Variants in NMNAT2 observed in about 807,000 individuals in gnomAD.
NMNAT2 encodes nicotinamide/nicotinic acid mononucleotide adenylyltransferase 2.
NMNAT2 carries 11 observed loss-of-function variants against 41.6 expected under a neutral mutation model. The observed-to-expected ratio is 0.26, with a 90% confidence interval of 0.17 to 0.44. NMNAT2 has a LOEUF of 0.44. NMNAT2 is among the 20% of genes least tolerant of loss of function. The pLI is 1.00. For synonymous variants in NMNAT2, 148 were observed against 151.2 expected, an observed-to-expected ratio of 0.98 and a Z score of 0.16; for missense variants, 288 against 407.7, an observed-to-expected ratio of 0.71 and a Z score of 2.53.
Position 183,383,380 on chromosome 1 carries a change from C to T in NMNAT2, c.85+34803G>A, listed in dbSNP as rs1468334891. On this transcript the variant is annotated intron_variant, in intron 1 of 10. Transcript: ENST00000287713. ...TCAAGAAATTTTCCCATTATCTTGGCTAATAACACTAGACTCCTCATTACT... is the reference window on the plus strand; with the variant it reads ...TCAAGAAATTTTCCCATTATCTTGGTTAATAACACTAGACTCCTCATTACT... Among the ~76,000 whole-genome samples, 5 of 152,318 alleles carry T rather than the reference C, an allele frequency of 3.3e-5. No homozygotes were observed. In the East Asian group the frequency reaches 9.6e-4, roughly 29 times the overall value.
rs1267132525 is a variant in NMNAT2, at chr1:183,400,276, A to C, written c.85+17907T>G. On this transcript the variant is annotated intron_variant, in intron 1 of 10. Coordinates refer to ENST00000287713, the MANE Select transcript of NMNAT2 (RefSeq NM_015039.4). ...CATTCATATACACCAATAATAGACAAACAAAGAGCCAAATCATGAGTGAAC... is the reference window on the plus strand; with the variant it reads ...CATTCATATACACCAATAATAGACACACAAAGAGCCAAATCATGAGTGAAC... Among the ~76,000 whole-genome samples, 5 of 152,166 alleles carry C rather than the reference A, an allele frequency of 3.3e-5. No homozygotes were observed. The South Asian group carries it at 1.0e-3, about 32-fold the overall frequency.
At chr1:183,380,184 T>C (rs934768227) in intron 1 of NMNAT2, among the ~76,000 whole-genome samples, 3 of 152,226 alleles carry the variant, frequency 2.0e-5, no homozygotes, top group Admixed American at 2.0e-4. Context: ...GTCATAATTC[T>C]CTATTTTCTT....
intron 1 of NMNAT2, among the ~76,000 whole-genome samples, chr1:183,343,364 G>A (rs1440812996): frequency 6.6e-6 from 1 of 152,026 alleles, no homozygotes; most frequent in Non-Finnish European, 1.5e-5. Context: ...CCTCATGCAG[G>A]CCTTAGTTTA....
intron 1 of NMNAT2, among the ~76,000 whole-genome samples, chr1:183,340,731 C>G (rs1355178486): frequency 6.6e-6 from 1 of 152,182 alleles, no homozygotes; most frequent in East Asian, 1.9e-4. Context: ...CTTGTCCTCC[C>G]AGGCCTACCA....
In NMNAT2 at chr1:183,366,308, G is replaced by A. The variant is rs1168067233; in HGVS notation, c.85+51875C>T. ...GCCTCATTTTCTTCCCCTGTAAAAA[G>A]GGATAATAATAGTATCTACTTCATA... On this transcript the variant is annotated intron_variant, in intron 1 of 10. Coordinates refer to ENST00000287713, the MANE Select transcript of NMNAT2 (RefSeq NM_015039.4). 2.0e-5 allele frequency among the ~76,000 whole-genome samples: 3 copies of A among 152,280 alleles called. No homozygotes were observed. The East Asian group carries it at 5.8e-4, about 29-fold the overall frequency.
At chr1:183,363,330 TCTTATAGGG>T (rs1185816244) in intron 1 of NMNAT2, among the ~76,000 whole-genome samples, 1 of 152,210 alleles carries the variant, frequency 6.6e-6, no homozygotes, top group Non-Finnish European at 1.5e-5. Flanking sequence ...ATTGTATCTC[TCTTATAGGG>T]CTATTGTGAG....
chr1:183,377,237 C>T (rs554591138), intron 1 of NMNAT2, among the ~76,000 whole-genome samples: 78 of 152,164 alleles, frequency 5.1e-4, no homozygotes, highest in Non-Finnish European at 9.3e-4. Flanking sequence ...GAGAGAGCCA[C>T]AACCCTGAGT....
At chr1:183,307,525 C>T (rs1220835868) in intron 1 of NMNAT2, among the ~76,000 whole-genome samples, 1 of 152,054 alleles carries the variant, frequency 6.6e-6, no homozygotes, top group African/African-American at 2.4e-5. Context: ...TCACTGCAAC[C>T]TCTGTCTCCT....
At chr1:183,296,005 T>C (rs1313977401) in intron 1 of NMNAT2, among the ~76,000 whole-genome samples, 1 of 151,284 alleles carries the variant, frequency 6.6e-6, no homozygotes, top group Non-Finnish European at 1.5e-5. Flanking sequence ...CCTACCACCA[T>C]GCCCAGCTAA....
chr1:183,357,796 T>G lies in NMNAT2; in HGVS notation c.85+60387A>C, dbSNP rs185284678. On this transcript the variant is annotated intron_variant, in intron 1 of 10. Coordinates refer to ENST00000287713, the MANE Select transcript of NMNAT2 (RefSeq NM_015039.4). ...TTCATATGATTGTTGGCCGCGTGTA[T>G]GTCTTCTTTTGGAAAGTGTCTGTTC... Among the ~76,000 whole-genome samples the G allele has an allele frequency of 3.9e-4, 60 of 152,336 alleles. 2 individuals are homozygous for G. The East Asian group carries it at 0.011, about 27-fold the overall frequency.
intron 8 of NMNAT2, among the ~76,000 whole-genome samples, chr1:183,275,579 G>A (rs1661101004): frequency 1.3e-5 from 2 of 151,686 alleles, no homozygotes; most frequent in South Asian, 4.2e-4. Flanking sequence ...CTGGGACGTG[G>A]TACTCTCTGA....
chr1:183,304,345 G>T (rs1557872713), intron 1 of NMNAT2, among the ~76,000 whole-genome samples: 1 of 152,158 alleles, frequency 6.6e-6, no homozygotes, highest in Non-Finnish European at 1.5e-5. Context: ...TAGATAGCAT[G>T]ATAGGAACAG....
At chr1:183,282,553 A>G (rs955254358) in intron 7 of NMNAT2, among the ~76,000 whole-genome samples, 8 of 152,232 alleles carry the variant, frequency 5.3e-5, no homozygotes, top group Admixed American at 1.3e-4. Flanking sequence ...GGAAAGAGAA[A>G]TACACTGGAA....
intron 2 of NMNAT2, 140 bp from the exon 3 acceptor site, chr1:183,292,997 T>C: frequency 1.3e-6 from 1 of 779,786 alleles, no homozygotes; most frequent in Non-Finnish European, 2.2e-6. Context: ...ACCCCTTTAC[T>C]TGTCCGTTTG....
chr1:183,387,887 A>T (rs961900741), intron 1 of NMNAT2, among the ~76,000 whole-genome samples: 3 of 152,234 alleles, frequency 2.0e-5, no homozygotes, highest in African/African-American at 7.2e-5. Context: ...GTCAGGAGGT[A>T]GATTCTCAGT....
chr1:183,266,838 T>TA, intron 8 of NMNAT2: 1 of 165,768 alleles, frequency 6.0e-6, no homozygotes, highest in South Asian at 1.3e-4. Context: ...CGTTCTATTG[T>TA]CAAAAAAAAT....
intron 1 of NMNAT2, among the ~76,000 whole-genome samples, chr1:183,393,670 C>G (rs933043459): frequency 1.3e-5 from 2 of 152,206 alleles, no homozygotes; most frequent in Admixed American, 1.3e-4. Context: ...ATTCGCCTGC[C>G]TCAGCCTCCC....
intron 1 of NMNAT2, among the ~76,000 whole-genome samples, chr1:183,352,985 C>T (rs1363809147): frequency 1.3e-5 from 2 of 152,150 alleles, no homozygotes; most frequent in African/African-American, 2.4e-5. Context: ...AGAAAGGAGG[C>T]TCTAGCCATC....
At chr1:183,318,346 G>A (rs1173484396) in intron 1 of NMNAT2, among the ~76,000 whole-genome samples, 2 of 152,220 alleles carry the variant, frequency 1.3e-5, no homozygotes, top group African/African-American at 4.8e-5. Context: ...GGCCAGATGA[G>A]GAAATGGGGC....
Sources: gnomAD v4.1 joint callset for allele counts (sites outside exome capture counted in the v4.1 genomes callset) on GRCh38, gnomAD v4.1.1 for gene constraint, MANE v1.5 for transcripts, NCBI Gene and HGNC (gene_info 2026-07-23, HGNC 2026-07-21) for gene names.